AGBL4: variants seen among roughly 807,000 people sequenced by gnomAD.
AGBL4 encodes the protein AGBL carboxypeptidase 4.
Under a neutral mutation model 66.4 loss-of-function variants are expected in AGBL4, and 58 were observed. The observed-to-expected ratio is 0.87, with a 90% CI of 0.71 to 1.09. The LOEUF is 1.09. AGBL4 is among the 50% of genes least tolerant of loss of function. The pLI, the probability that AGBL4 is intolerant of heterozygous loss-of-function variation, is 0.00. For synonymous variants in AGBL4, 234 were observed against 222.9 expected (o/e 1.05, Z -0.44); for missense variants, 579 against 631.0 (o/e 0.92, Z 0.88).
chr1:49,916,112 G>A (rs1187515530), intron 1 of AGBL4, among the ~76,000 whole-genome samples: 2 of 152,146 alleles, frequency 1.3e-5, no homozygotes, highest in Non-Finnish European at 2.9e-5. Flanking sequence ...ACCAAAGGTA[G>A]ATAAAACCAC....
chr1:49,316,467 A>C (rs1645041340), intron 3 of AGBL4, among the ~76,000 whole-genome samples: 1 of 151,964 alleles, frequency 6.6e-6, no homozygotes. Flanking sequence ...ACCAAAAATA[A>C]AATCATCACA....
intron 5 of AGBL4, among the ~76,000 whole-genome samples, chr1:48,954,346 T>C (rs1657257183): frequency 6.6e-6 from 1 of 152,240 alleles, no homozygotes; most frequent in Non-Finnish European, 1.5e-5. Context: ...CAAGGCACTT[T>C]CTTGCACATT....
chr1:49,764,892 C>A (rs1179243318), intron 2 of AGBL4, among the ~76,000 whole-genome samples: 1 of 152,130 alleles, frequency 6.6e-6, no homozygotes, highest in Admixed American at 6.5e-5. Flanking sequence ...CAGACTAATG[C>A]AGTACGTATC....
chr1:49,395,878 C>CT (rs1644962943), intron 3 of AGBL4, among the ~76,000 whole-genome samples: 2 of 136,056 alleles, frequency 1.5e-5, no homozygotes, highest in African/African-American at 5.6e-5. Flanking sequence ...TATATATAGC[C>CT]AGTGGTCCAT....
intron 3 of AGBL4, among the ~76,000 whole-genome samples, chr1:49,606,079 C>T (rs1316358389): frequency 6.6e-6 from 1 of 152,082 alleles, no homozygotes; most frequent in Non-Finnish European, 1.5e-5. Context: ...CTATCTTTGA[C>T]ACAAGCAGCT....
At chr1:49,577,585 G>A (rs1644461530) in intron 3 of AGBL4, among the ~76,000 whole-genome samples, 1 of 152,130 alleles carries the variant, frequency 6.6e-6, no homozygotes, top group African/African-American at 2.4e-5. Flanking sequence ...TCCCTATCCT[G>A]CACGCAATGC....
chr1:49,353,801 A>G (rs1424519945), intron 3 of AGBL4, among the ~76,000 whole-genome samples: 1 of 152,104 alleles, frequency 6.6e-6, no homozygotes, highest in East Asian at 1.9e-4. Flanking sequence ...TCTAAACATC[A>G]AGAGGAGTTC....
chr1:49,191,419 T>C (rs1647116535), intron 4 of AGBL4, among the ~76,000 whole-genome samples: 1 of 152,246 alleles, frequency 6.6e-6, no homozygotes, highest in Non-Finnish European at 1.5e-5. Context: ...ACTATGTGTA[T>C]GTAATAAATA....
intron 4 of AGBL4, among the ~76,000 whole-genome samples, chr1:49,155,477 T>C (rs940173895): frequency 5.9e-5 from 9 of 152,282 alleles, no homozygotes; most frequent in Non-Finnish European, 1.0e-4. Flanking sequence ...CATTCCACAG[T>C]TCAGGAAAAT....
chr1:49,690,085 A>G (rs1264929999), intron 3 of AGBL4, among the ~76,000 whole-genome samples: 1 of 152,226 alleles, frequency 6.6e-6, no homozygotes, highest in Non-Finnish European at 1.5e-5. Flanking sequence ...ACCCTTCACC[A>G]GCCAAAAAGA....
intron 4 of AGBL4, among the ~76,000 whole-genome samples, chr1:49,081,767 T>A (rs1484998091): frequency 6.6e-6 from 1 of 152,064 alleles, no homozygotes; most frequent in Non-Finnish European, 1.5e-5. Context: ...AAAGCCAAAG[T>A]TTTTTTATAC....
intron 3 of AGBL4, among the ~76,000 whole-genome samples, chr1:49,688,902 G>T (rs1646835103): frequency 6.6e-6 from 1 of 151,998 alleles, no homozygotes; most frequent in South Asian, 2.1e-4. Flanking sequence ...CAGAACTTTT[G>T]CCCATTTTTA....
chr1:49,572,865 C>T (rs190538809), intron 3 of AGBL4, among the ~76,000 whole-genome samples: 9 of 152,232 alleles, frequency 5.9e-5, no homozygotes, highest in South Asian at 4.1e-4. Context: ...CAGACCCATC[C>T]TTAATTGGGT....
At chr1:48,900,231 C>CACAGCCTT (rs1445181888) in intron 5 of AGBL4, among the ~76,000 whole-genome samples, 3 of 152,176 alleles carry the variant, frequency 2.0e-5, no homozygotes, top group Non-Finnish European at 4.4e-5. Flanking sequence ...GCAGACCCCA[C>CACAGCCTT]ACAGCCTTCT....
chr1:49,803,921 A>T (rs1271207751), intron 2 of AGBL4, among the ~76,000 whole-genome samples: 1 of 152,210 alleles, frequency 6.6e-6, no homozygotes, highest in Non-Finnish European at 1.5e-5. Context: ...TACTACTATT[A>T]GAAAGAAGTT....
chr1:49,571,324 T>C (rs1644326644), intron 3 of AGBL4, among the ~76,000 whole-genome samples: 1 of 152,074 alleles, frequency 6.6e-6, no homozygotes, highest in East Asian at 1.9e-4. Flanking sequence ...GATGGATTCC[T>C]AGGTATTTTT....
At chr1:49,858,226 C>T (rs913866537) in intron 1 of AGBL4, among the ~76,000 whole-genome samples, 15 of 151,438 alleles carry the variant, frequency 9.9e-5, no homozygotes, top group African/African-American at 2.2e-4. Flanking sequence ...CAAATGCAGG[C>T]GAGGAAGAAA....
intron 5 of AGBL4, among the ~76,000 whole-genome samples, chr1:48,962,135 A>ATCCATCCATCCATCCG (rs562524505): frequency 2.6e-5 from 4 of 151,202 alleles, no homozygotes; most frequent in African/African-American, 9.8e-5. Flanking sequence ...CCGTCCATCC[A>ATCCATCCATCCATCCG]TCCATCATCC....
intron 3 of AGBL4, among the ~76,000 whole-genome samples, chr1:49,639,801 G>T (rs778285033): frequency 6.6e-6 from 1 of 152,100 alleles, no homozygotes; most frequent in Non-Finnish European, 1.5e-5. Context: ...CAATTTTGCC[G>T]GATGAAATCA....
Sources: gnomAD v4.1 joint callset for allele counts (sites outside exome capture counted in the v4.1 genomes callset) on GRCh38, gnomAD v4.1.1 for gene constraint, MANE v1.5 for transcripts, NCBI Gene and HGNC (gene_info 2026-07-23, HGNC 2026-07-21) for gene names.